The following LYST variants were observed in gnomAD, a reference collection of about 807,000 sequenced individuals.
LYST encodes the protein lysosomal trafficking regulator, also known as lysosomal-trafficking regulator.
Under a neutral mutation model 413.6 loss-of-function variants are expected in LYST, and 192 were observed. The observed-to-expected ratio is 0.46, with a 90% CI of 0.41 to 0.52. The LOEUF (loss-of-function observed/expected upper bound fraction) is 0.52, where lower values mean the gene tolerates loss of function less well. Among genes scored for constraint, LYST ranks in the 20% least tolerant of loss-of-function variants. The probability of loss-of-function intolerance (pLI) is 0.00; values close to 1 mark genes in which losing one functional copy is unlikely to be tolerated. For missense variants in LYST, 3,815 were observed against 4,499.9 expected, an observed-to-expected ratio of 0.85 and a Z score of 4.35; for synonymous variants, 1,525 against 1,567.3, an observed-to-expected ratio of 0.97 and a Z score of 0.64.
rs774615763 is a variant in LYST, at chr1:235,791,844, C to G, written c.4398G>C (p.Trp1466Cys). 1 of 1,614,172 alleles carries G rather than the reference C, an allele frequency of 6.2e-7. No homozygotes were observed. Among genetic ancestry groups the G allele is most frequent in the Non-Finnish European group, 8.5e-7 (1 of 1,180,010 alleles). ...VHLPLLGQNCWPHLSEGFSVS... is the reference protein window; with the variant it reads ...VHLPLLGQNCCPHLSEGFSVS... Reference sequence around the variant, plus strand: ...CACTGAAACCTTCTGATAGGTGTGGCCAGCAGTTTTGCCCCAGCAACGGCA... The same window carrying G: ...CACTGAAACCTTCTGATAGGTGTGGGCAGCAGTTTTGCCCCAGCAACGGCA... The change falls in exon 12 of 53, where the codon TGG becomes TGC. Residue 1466 changes from tryptophan to cysteine, a missense_variant. Around this residue, in one of 4 missense-constraint regions of LYST, gnomAD observed 1,648 missense variants for 1,810.3 expected, o/e 0.91. Coordinates refer to ENST00000389793, the MANE Select transcript of LYST (RefSeq NM_000081.4).
chr1:235,878,610 G>A (rs1301745750), intron 1 of LYST, among the ~76,000 whole-genome samples: 1 of 152,146 alleles, frequency 6.6e-6, no homozygotes, highest in South Asian at 2.1e-4. Context: ...GAAATGTATT[G>A]TAAAGCACCA....
chr1:235,744,260 T>G, intron 29 of LYST, 103 bp from the exon 30 acceptor site: 1 of 690,014 alleles, frequency 1.4e-6, no homozygotes, highest in East Asian at 2.7e-5. Flanking sequence ...AATTACTAAT[T>G]CAGTTATCAC....
At position 235,759,985 on chromosome 1, in the gene LYST, CAT is replaced by C. The variant is rs573176312; in HGVS notation, c.6254-388_6254-387del. On this transcript the variant is annotated intron_variant, in intron 22 of 52. Coordinates refer to ENST00000389793, the MANE Select transcript of LYST (RefSeq NM_000081.4). ...ACTTTTTATTAATATCTTCCCAAAACATATGTTTTTTCCTGTCTTCTTAACAA... is the reference window on the plus strand; with the variant it reads ...ACTTTTTATTAATATCTTCCCAAAACATGTTTTTTCCTGTCTTCTTAACAA... Among the ~76,000 whole-genome samples, 392 of 152,216 alleles carry C rather than the reference CAT, an allele frequency of 2.6e-3. 2 individuals carry two copies. The highest frequency in any genetic ancestry group is 3.4e-3 in the Non-Finnish European group (229 of 68,018).
At chr1:235,691,699 C>CTT (rs1161712139) in intron 47 of LYST, among the ~76,000 whole-genome samples, 3 of 141,988 alleles carry the variant, frequency 2.1e-5, no homozygotes, top group Admixed American at 7.0e-5. Context: ...CAGATTCTCT[C>CTT]TTTTTTTTTT....
At chr1:235,750,174 A>G (rs1666348658) in intron 28 of LYST, among the ~76,000 whole-genome samples, 2 of 152,172 alleles carry the variant, frequency 1.3e-5, no homozygotes. Context: ...CTGATAAAGA[A>G]TCTGTTTCTA....
chr1:235,879,759 C>A (rs571890293), intron 1 of LYST, among the ~76,000 whole-genome samples: 1 of 148,440 alleles, frequency 6.7e-6, no homozygotes, highest in African/African-American at 2.5e-5. Flanking sequence ...TTTTTTGAGA[C>A]GGAGTCTCGC....
At chr1:235,738,755 T>C in intron 31 of LYST, 1 of 1,308,374 alleles carries the variant, frequency 7.6e-7, no homozygotes. Context: ...CCTGGGCCAT[T>C]GGACTCTCTG....
intron 48 of LYST, among the ~76,000 whole-genome samples, chr1:235,685,796 A>G (rs1660168962): frequency 6.6e-6 from 1 of 151,746 alleles, no homozygotes. Flanking sequence ...CATTGAGCCA[A>G]GATCACACCA....
In LYST at chr1:235,752,150, T is replaced by G. The variant is rs780381293; in HGVS notation, c.7482A>C (p.Lys2494Asn). The part of the protein sequence containing the change: ...LEKNIPMSEY[K>N]LLACDIQQLF... ...GTTGCTGTATATCACAAGCAAGCAA[T>G]TTATATTCACTCATGGGAATGCTAA... Residue 2494 changes from lysine to asparagine, a missense_variant, in exon 27 of 53, where the codon AAA (lysine) becomes AAC (asparagine). Physicochemically the swap from Lys to Asn is moderately conservative, Grantham distance 94 (BLOSUM62 0). Transcript: ENST00000389793. 6.2e-7 allele frequency: 1 copy of G among 1,610,442 alleles called. No individual in the cohort carries two copies. The highest frequency in any genetic ancestry group is 8.5e-7 in the Non-Finnish European group (1 of 1,177,328).
chr1:235,770,050 A>C (rs2103415171), intron 20 of LYST, 110 bp downstream of exon 20: 1 of 1,011,642 alleles, frequency 9.9e-7, no homozygotes, highest in South Asian at 1.4e-5. Context: ...AGAAGATGGA[A>C]AAAAAAAAGA....
intron 1 of LYST, among the ~76,000 whole-genome samples, chr1:235,878,752 T>G (rs1681245787): frequency 6.6e-6 from 1 of 152,220 alleles, no homozygotes; most frequent in South Asian, 2.1e-4. Context: ...CCTGATGGGA[T>G]ACAGACAACA....
intron 1 of LYST, among the ~76,000 whole-genome samples, chr1:235,849,999 C>CTA (rs1678342156): frequency 6.6e-6 from 1 of 151,928 alleles, no homozygotes; most frequent in Non-Finnish European, 1.5e-5. Context: ...ATACCACTAT[C>CTA]ATTCTTCACA....
At chr1:235,675,927 A>G (rs1239770405) in intron 50 of LYST, among the ~76,000 whole-genome samples, 2 of 152,210 alleles carry the variant, frequency 1.3e-5, no homozygotes, top group African/African-American at 4.8e-5. Context: ...AATGTAAAAA[A>G]TGCTAGCAAA....
At chr1:235,842,178 C>T (rs893972018) in intron 1 of LYST, among the ~76,000 whole-genome samples, 1 of 151,974 alleles carries the variant, frequency 6.6e-6, no homozygotes, top group African/African-American at 2.4e-5. Flanking sequence ...GGTGGAAGAA[C>T]AGTCCTTATG....
At chr1:235,744,211 T>C (rs1350156473) in intron 29 of LYST, 54 bp from the exon 30 acceptor site, 4 of 933,498 alleles carry the variant, frequency 4.3e-6, no homozygotes, top group Admixed American at 1.8e-5. Context: ...TATCTTGCCA[T>C]TATAAATAGT....
chr1:235,752,068 C>G lies in LYST; in HGVS notation c.7564G>C (p.Val2522Leu), dbSNP rs1218359042. ...CSSSGSQYFR[V>L]IEDLIVMLGY... ...AGCATTACAATAAGGTCTTCAATAA[C>G]CCTAAAATATTGTGAGCCTGAGGAA... is the stretch of plus-strand genomic sequence containing the variant. The change falls in exon 27 of 53, where the codon GTT becomes CTT. Residue 2522 changes from valine to leucine, a missense_variant. Physicochemically the swap from Val to Leu is conservative, Grantham distance 32 (BLOSUM62 1). Transcript: ENST00000389793. 1.2e-6 allele frequency: 2 copies of G among 1,610,244 alleles called. No individual in the cohort carries two copies. Among genetic ancestry groups the G allele is most frequent in the Admixed American group, 1.7e-5 (1 of 59,942 alleles).
intron 48 of LYST, among the ~76,000 whole-genome samples, chr1:235,678,034 A>G (rs1352237932): frequency 6.6e-6 from 1 of 152,194 alleles, no homozygotes; most frequent in African/African-American, 2.4e-5. Context: ...GACACTTAAA[A>G]TTGTTTCTAT....
chr1:235,794,227 A>G (rs970002209), intron 10 of LYST, among the ~76,000 whole-genome samples: 6 of 152,214 alleles, frequency 3.9e-5, no homozygotes, highest in Non-Finnish European at 8.8e-5. Flanking sequence ...TTGTTAAGCT[A>G]ATGCTTCTAT....
chr1:235,691,841 G>A (rs1660679827), intron 47 of LYST, among the ~76,000 whole-genome samples: 1 of 151,422 alleles, frequency 6.6e-6, no homozygotes, highest in South Asian at 2.1e-4. Flanking sequence ...GGATTTACAG[G>A]TGCCCACCAC....
Sources: allele counts gnomAD v4.1 joint callset (sites outside exome capture counted in the v4.1 genomes callset), GRCh38; gene constraint gnomAD v4.1.1; regional missense constraint gnomAD v4.1.1; transcripts MANE v1.5; gene names NCBI Gene and HGNC (gene_info 2026-07-23, HGNC 2026-07-21).